SLC4A10: variants seen among roughly 807,000 people sequenced by gnomAD.
The protein encoded by SLC4A10 is solute carrier family 4 member 10, also known as sodium-driven chloride bicarbonate exchanger.
Under a neutral mutation model 137.7 loss-of-function variants are expected in SLC4A10, and 42 were observed. The observed-to-expected ratio is 0.30, with a 90% CI of 0.24 to 0.39. The LOEUF (loss-of-function observed/expected upper bound fraction) is 0.39. SLC4A10 is among the 10% of genes least tolerant of loss of function. The pLI, the probability that SLC4A10 is intolerant of heterozygous loss-of-function variation, is 1.00. For synonymous variants in SLC4A10, 474 were observed against 464.1 expected (o/e 1.02, Z -0.27); for missense variants, 925 against 1,355.0 (o/e 0.68, Z 4.98).
intron 1 of SLC4A10, among the ~76,000 whole-genome samples, chr2:161,658,479 G>T (rs1396289526): frequency 1.3e-5 from 2 of 151,912 alleles, no homozygotes; most frequent in Admixed American, 6.6e-5. Flanking sequence ...AAGGGCAACT[G>T]GATTTGCACA....
In SLC4A10 at chr2:161,936,426, T is replaced by G. The variant is rs997939757; in HGVS notation, c.1998-6366T>G. On this transcript the variant is annotated intron_variant, in intron 15 of 26. Coordinates refer to ENST00000446997, the MANE Select transcript of SLC4A10 (RefSeq NM_001178015.2). ...CCATCAGGTCGTGGGCTTTTCTTTC[T>G]TGGGAGAGGCTTTTGGTAATTGATT... 2.6e-4 allele frequency among the ~76,000 whole-genome samples: 40 copies of G among 152,246 alleles called. 1 individual carries two copies. The highest frequency in any genetic ancestry group is 8.9e-4 in the African/African-American group (37 of 41,554).
rs766098551 is a variant in SLC4A10, at chr2:161,905,847, A to G, written c.1957A>G (p.Ile653Val). ...GTTTGAACTCAGTGAAGCATATCCA[A>G]TCAACATGCATAATGATCTGGAACT... Reference protein sequence around the residue: ...KLFELSEAYPINMHNDLELLT... With the variant: ...KLFELSEAYPVNMHNDLELLT... Residue 653 changes from isoleucine (I) to valine (V), a missense_variant, in exon 15 of 27, where the codon ATC becomes GTC. Ile to Val is a conservative substitution (Grantham distance 29). Around this residue, in one of 11 missense-constraint regions of SLC4A10, gnomAD observed 91 missense variants for 95.6 expected, o/e 0.95. Transcript: ENST00000446997. The G allele has an allele frequency of 1.1e-5, 17 of 1,613,736 alleles. No homozygotes were observed. Among genetic ancestry groups the G allele is most frequent in the Non-Finnish European group, 1.3e-5 (15 of 1,179,742 alleles).
chr2:161,819,047 TA>T (rs1186320092), intron 3 of SLC4A10, among the ~76,000 whole-genome samples: 2 of 152,150 alleles, frequency 1.3e-5, no homozygotes, highest in African/African-American at 4.8e-5. Context: ...TGGGCACTCT[TA>T]AAAAGTTTTA....
intron 1 of SLC4A10, among the ~76,000 whole-genome samples, chr2:161,653,906 A>G (rs192224247): frequency 6.6e-5 from 10 of 152,360 alleles, no homozygotes; most frequent in African/African-American, 2.2e-4. Context: ...TCCTTTGGAT[A>G]CATACTCAGA....
chr2:161,788,695 G>A lies in SLC4A10; in HGVS notation c.131-15754G>A, dbSNP rs990225553. ...ACCACCAAAATGAGCTCAGGGCAGA[G>A]CCTCTTCCCAGAGCCCAGAGCAAAC... is the stretch of plus-strand genomic sequence containing the variant. On this transcript the variant is annotated intron_variant, in intron 2 of 26. Coordinates refer to ENST00000446997, the MANE Select transcript of SLC4A10 (RefSeq NM_001178015.2). Among the ~76,000 whole-genome samples, 8 of 152,304 alleles carry A rather than the reference G, an allele frequency of 5.3e-5. No individual in the cohort carries two copies. In the East Asian group the frequency reaches 5.8e-4, roughly 11 times the overall value.
At chr2:161,859,689 C>T (rs1404177288) in intron 5 of SLC4A10, among the ~76,000 whole-genome samples, 1 of 146,550 alleles carries the variant, frequency 6.8e-6, no homozygotes, top group Non-Finnish European at 1.5e-5. Flanking sequence ...CAAGCTCCGC[C>T]TCCCGGGTTC....
At chr2:161,881,415 C>CAAAAAAT (rs1442367085) in intron 9 of SLC4A10, among the ~76,000 whole-genome samples, 1 of 151,896 alleles carries the variant, frequency 6.6e-6, no homozygotes, top group African/African-American at 2.4e-5. Flanking sequence ...CTGGCACACA[C>CAAAAAAT]AAAAAATATT....
At chr2:161,971,735 C>T (rs143223019) in intron 23 of SLC4A10, among the ~76,000 whole-genome samples, 218 of 152,278 alleles carry the variant, frequency 1.4e-3, no homozygotes, top group African/African-American at 1.9e-3. Context: ...CCCCGCGCTC[C>T]GGGGCCCACC....
At chr2:161,789,105 C>A (rs2053939763) in intron 2 of SLC4A10, among the ~76,000 whole-genome samples, 1 of 152,226 alleles carries the variant, frequency 6.6e-6, no homozygotes, top group South Asian at 2.1e-4. Context: ...GAGTGCACAA[C>A]CAGTGTGGCA....
chr2:161,718,362 C>A (rs966277277), intron 1 of SLC4A10, among the ~76,000 whole-genome samples: 3 of 151,916 alleles, frequency 2.0e-5, no homozygotes, highest in Non-Finnish European at 4.4e-5. Flanking sequence ...GCTCTTGGTT[C>A]TCTGTAAATA....
chr2:161,793,366 T>C (rs574521622), intron 2 of SLC4A10, among the ~76,000 whole-genome samples: 1 of 152,280 alleles, frequency 6.6e-6, no homozygotes, highest in South Asian at 2.1e-4. Context: ...CACTATGCTG[T>C]ACAATAGATC....
intron 5 of SLC4A10, among the ~76,000 whole-genome samples, chr2:161,860,359 G>A (rs1421605570): frequency 1.3e-5 from 2 of 152,046 alleles, no homozygotes; most frequent in South Asian, 2.1e-4. Flanking sequence ...TGCTTTAATA[G>A]AAATTAAAAA....
intron 5 of SLC4A10, 150 bp from the exon 6 acceptor site, chr2:161,862,724 C>T: frequency 1.7e-6 from 1 of 573,640 alleles, no homozygotes; most frequent in Non-Finnish European, 2.7e-6. Context: ...CCATTTATAA[C>T]AGCATGCTTA....
At chr2:161,771,246 G>A (rs1381629507) in intron 2 of SLC4A10, among the ~76,000 whole-genome samples, 192 bp downstream of exon 2, 1 of 151,870 alleles carries the variant, frequency 6.6e-6, no homozygotes, top group East Asian at 1.9e-4. Flanking sequence ...TCAATGAGAA[G>A]CATCAGTTCA....
intron 5 of SLC4A10, among the ~76,000 whole-genome samples, chr2:161,862,633 A>G (rs1240302056): frequency 6.6e-6 from 1 of 152,178 alleles, no homozygotes; most frequent in Non-Finnish European, 1.5e-5. Flanking sequence ...CATAAGAATT[A>G]TATATTTAAA....
intron 1 of SLC4A10, among the ~76,000 whole-genome samples, chr2:161,717,622 T>G (rs916391633): frequency 2.0e-5 from 3 of 152,168 alleles, no homozygotes; most frequent in African/African-American, 7.2e-5. Flanking sequence ...TGAACCACCC[T>G]TGCATCCCAG....
intron 1 of SLC4A10, among the ~76,000 whole-genome samples, chr2:161,719,560 C>T (rs2045373012): frequency 6.6e-6 from 1 of 151,934 alleles, no homozygotes; most frequent in African/African-American, 2.4e-5. Flanking sequence ...CTCTCCAGCA[C>T]CTGTTGTTTC....
intron 2 of SLC4A10, 100 bp from the exon 3 acceptor site, chr2:161,804,349 C>A: frequency 7.7e-7 from 1 of 1,297,996 alleles, no homozygotes; most frequent in Non-Finnish European, 1.0e-6. Flanking sequence ...AAATGACTTG[C>A]TGAATTAAAT....
intron 15 of SLC4A10, among the ~76,000 whole-genome samples, chr2:161,932,136 ATT>A (rs1199676113): frequency 1.3e-5 from 2 of 152,156 alleles, no homozygotes; most frequent in African/African-American, 2.4e-5. Context: ...AGAGAAATCA[ATT>A]TGGGAGAATC....
Sources: allele counts gnomAD v4.1 joint callset (sites outside exome capture counted in the v4.1 genomes callset), GRCh38; gene constraint gnomAD v4.1.1; regional missense constraint gnomAD v4.1.1; transcripts MANE v1.5; gene names NCBI Gene and HGNC (gene_info 2026-07-23, HGNC 2026-07-21).